Variants in AGBL1 observed in about 807,000 individuals in gnomAD.
AGBL1 encodes the protein cytosolic carboxypeptidase 4.
In AGBL1, 130 loss-of-function variants were observed where a neutral mutation model predicts 118.9. That is an observed-to-expected ratio of 1.09 (90% CI 0.95 to 1.26). The LOEUF (loss-of-function observed/expected upper bound fraction) is 1.26. AGBL1 is among the 50% of genes most tolerant of loss of function. AGBL1 has a pLI of 0.00. For synonymous variants in AGBL1, 555 were observed against 478.9 expected (o/e 1.16, Z -2.08); for missense variants, 1,584 against 1,298.1 (o/e 1.22, Z -3.38).
At chr15:86,177,570 A>G (rs1284511722) in intron 5 of AGBL1, among the ~76,000 whole-genome samples, 1 of 152,230 alleles carries the variant, frequency 6.6e-6, no homozygotes, top group Non-Finnish European at 1.5e-5. Context: ...CAATGAATTT[A>G]TAAGAATTCA....
intron 17 of AGBL1, among the ~76,000 whole-genome samples, chr15:86,375,448 C>T (rs1019014984): frequency 6.6e-6 from 1 of 152,112 alleles, no homozygotes; most frequent in Non-Finnish European, 1.5e-5. Context: ...CCAGGTCCCT[C>T]CCTCAACGCA....
intron 17 of AGBL1, among the ~76,000 whole-genome samples, chr15:86,362,573 G>A (rs1184910448): frequency 6.6e-6 from 1 of 152,164 alleles, no homozygotes; most frequent in Non-Finnish European, 1.5e-5. Flanking sequence ...TGGATGCCTG[G>A]ACAGAGAGTA....
chr15:86,312,559 C>T (rs2079936821), intron 17 of AGBL1, among the ~76,000 whole-genome samples: 2 of 152,190 alleles, frequency 1.3e-5, no homozygotes, highest in Admixed American at 1.3e-4. Flanking sequence ...CAGATGATCG[C>T]ATTAAGAGCT....
intron 23 of AGBL1, among the ~76,000 whole-genome samples, chr15:86,980,397 T>C (rs1413376545): frequency 6.6e-6 from 1 of 152,216 alleles, no homozygotes; most frequent in East Asian, 1.9e-4. Context: ...GGCTGCTGTG[T>C]ATATCAATGT....
intron 21 of AGBL1, among the ~76,000 whole-genome samples, chr15:86,619,231 T>A (rs141271210): frequency 7.9e-5 from 12 of 152,198 alleles, no homozygotes; most frequent in Admixed American, 7.9e-4. Context: ...ATATCTTTTT[T>A]AATAGACGTG....
chr15:86,507,766 T>C (rs572770091), intron 18 of AGBL1, among the ~76,000 whole-genome samples: 23 of 152,140 alleles, frequency 1.5e-4, no homozygotes, highest in Middle Eastern at 3.4e-3. Flanking sequence ...AAGAAGATAG[T>C]GGCTTAGACA....
chr15:86,679,164 T>C (rs1195430506), intron 22 of AGBL1, among the ~76,000 whole-genome samples: 1 of 152,106 alleles, frequency 6.6e-6, no homozygotes, highest in African/African-American at 2.4e-5. Flanking sequence ...TAGATATTTT[T>C]GGTCTATTGA....
At chr15:86,233,646 A>T (rs1026647191) in intron 6 of AGBL1, among the ~76,000 whole-genome samples, 20 of 152,366 alleles carry the variant, frequency 1.3e-4, no homozygotes, top group African/African-American at 4.8e-4. Context: ...AACTTAAAAA[A>T]TGGGCTGACA....
In AGBL1 at chr15:86,264,399, G is replaced by A; in HGVS notation, c.1228G>A (p.Ala410Thr). 6.2e-7 allele frequency: 1 copy of A among 1,613,940 alleles called. No individual in the cohort carries two copies. The highest frequency in any genetic ancestry group is 8.5e-7 in the Non-Finnish European group (1 of 1,179,860). Reference protein sequence around the residue: ...QSSCGQEREYAVQTSLLCRVK... With the variant: ...QSSCGQEREYTVQTSLLCRVK... ...CTCCTGTGGGCAAGAAAGAGAATAT[G>A]CTGTCCAGACTTCCCTTCTGTGCAG... Residue 410 changes from alanine to threonine, a missense_variant, in exon 11 of 23, where the codon GCT (alanine) becomes ACT (threonine). Coordinates refer to ENST00000614907, the MANE Select transcript of AGBL1 (RefSeq NM_001386094.1).
In AGBL1 at chr15:86,660,563, A is replaced by ATT. The variant is rs570116024; in HGVS notation, c.2995-13701_2995-13700dup. Among the ~76,000 whole-genome samples the ATT allele has an allele frequency of 1.7e-3, 256 of 148,990 alleles. 4 individuals carry two copies. In the East Asian group the frequency reaches 0.021, roughly 12 times the overall value. On this transcript the variant is annotated intron_variant, in intron 21 of 22. Coordinates refer to ENST00000614907, the MANE Select transcript of AGBL1 (RefSeq NM_001386094.1). ...ATTACTAATCCAATATAGTCAACAC[A>ATT]TTTTTTTTTTACTGATTTTTTAAGT...
At chr15:86,620,525 C>T (rs1050793762) in intron 21 of AGBL1, among the ~76,000 whole-genome samples, 2 of 152,182 alleles carry the variant, frequency 1.3e-5, no homozygotes, top group African/African-American at 4.8e-5. Context: ...ATCTCCCAGA[C>T]AGCTCCTTTG....
chr15:86,941,677 A>T (rs1045428148), intron 23 of AGBL1, among the ~76,000 whole-genome samples: 1 of 152,198 alleles, frequency 6.6e-6, no homozygotes, highest in Non-Finnish European at 1.5e-5. Context: ...CCTCCAGGAA[A>T]ACTTCACCAG....
chr15:86,350,021 T>C (rs57734126), intron 17 of AGBL1, among the ~76,000 whole-genome samples: 3,167 of 152,282 alleles, frequency 0.021, 105 homozygotes, highest in African/African-American at 0.073. Flanking sequence ...TTTTTGACCA[T>C]GCAAAAAGTG....
At chr15:86,853,507 AG>A in intron 22 of AGBL1, among the ~76,000 whole-genome samples, 1 of 152,322 alleles carries the variant, frequency 6.6e-6, no homozygotes, top group East Asian at 1.9e-4. Flanking sequence ...AAGAAATTAA[AG>A]AACTTACCCA....
At chr15:86,445,181 G>A (rs113551682) in intron 18 of AGBL1, among the ~76,000 whole-genome samples, 263 of 152,290 alleles carry the variant, frequency 1.7e-3, no homozygotes, top group Middle Eastern at 3.4e-3. Flanking sequence ...TTGACTTGAA[G>A]CCCATCACCC....
intron 18 of AGBL1, among the ~76,000 whole-genome samples, chr15:86,409,761 G>A (rs2081584272): frequency 6.6e-6 from 1 of 152,108 alleles, no homozygotes; most frequent in Non-Finnish European, 1.5e-5. Flanking sequence ...AGTTGGGGCT[G>A]AGGCTCCTCA....
chr15:86,632,291 A>AAAAAAT (rs2142439479), intron 21 of AGBL1, among the ~76,000 whole-genome samples: 1 of 150,180 alleles, frequency 6.7e-6, no homozygotes, highest in South Asian at 2.1e-4. Flanking sequence ...AAAAAAAAAA[A>AAAAAAT]AGGCTGGCCA....
chr15:86,120,321 C>G (rs1898018910), intron 1 of AGBL1, among the ~76,000 whole-genome samples: 1 of 152,314 alleles, frequency 6.6e-6, no homozygotes, highest in South Asian at 2.1e-4. Context: ...GCTCTTAATG[C>G]AAAGCTAAGT....
chr15:86,827,324 C>CATATATATATATATGTGTATATAT (rs1360658519), intron 22 of AGBL1, among the ~76,000 whole-genome samples: 1 of 2,774 alleles, frequency 3.6e-4, no homozygotes, highest in Non-Finnish European at 5.1e-4. Flanking sequence ...TATACACACA[C>CATATATATATATATGTGTATATAT]ATATATATAT....
Sources: gnomAD v4.1 joint callset for allele counts (sites outside exome capture counted in the v4.1 genomes callset) on GRCh38, gnomAD v4.1.1 for gene constraint, MANE v1.5 for transcripts, NCBI Gene and HGNC (gene_info 2026-07-23, HGNC 2026-07-21) for gene names.